The following GMDS variants were observed in gnomAD, a reference collection of about 807,000 sequenced individuals.
The protein encoded by GMDS is GDP-mannose 4,6 dehydratase.
A neutral mutation model predicts 49.9 loss-of-function variants in GMDS; 20 were observed. That is an observed-to-expected ratio of 0.40 (90% CI 0.28 to 0.58). The LOEUF (loss-of-function observed/expected upper bound fraction) is 0.58, where lower values mean the gene tolerates loss of function less well. Ranked by LOEUF, GMDS falls within the 20% of genes least tolerant of loss-of-function variation. The probability of loss-of-function intolerance (pLI) is 0.42; values close to 1 mark genes in which losing one functional copy is unlikely to be tolerated. For synonymous variants in GMDS, 177 were observed against 178.6 expected (o/e 0.99, Z 0.07); for missense variants, 362 against 481.4 (o/e 0.75, Z 2.32).
chr6:2,205,057 G>A (rs1779738637), intron 1 of GMDS, among the ~76,000 whole-genome samples: 2 of 152,046 alleles, frequency 1.3e-5, no homozygotes, highest in African/African-American at 4.8e-5. Flanking sequence ...GACATTTATT[G>A]AGCATTTGCT....
intron 4 of GMDS, among the ~76,000 whole-genome samples, chr6:1,981,870 T>C (rs961118630): frequency 1.3e-5 from 2 of 152,290 alleles, no homozygotes; most frequent in East Asian, 3.9e-4. Context: ...TGGTTTAACA[T>C]ACACAAATCA....
intron 7 of GMDS, among the ~76,000 whole-genome samples, chr6:1,831,349 C>T (rs1756632702): frequency 6.6e-6 from 1 of 152,200 alleles, no homozygotes; most frequent in African/African-American, 2.4e-5. Flanking sequence ...TTCTCAGTTT[C>T]TTTAGTAAAA....
At chr6:1,645,352 G>T (rs1763455093) in intron 9 of GMDS, among the ~76,000 whole-genome samples, 1 of 152,196 alleles carries the variant, frequency 6.6e-6, no homozygotes, top group Non-Finnish European at 1.5e-5. Flanking sequence ...GCCTAGCATA[G>T]CTTCCTGCAC....
rs949573641 is a variant in GMDS, at chr6:1,836,643, G to A, written c.771+93460C>T. Among the ~76,000 whole-genome samples the A allele has an allele frequency of 3.3e-5, 5 of 152,174 alleles. No homozygotes were observed. The highest frequency in any genetic ancestry group is 1.2e-4 in the African/African-American group (5 of 41,424). On this transcript the variant is annotated intron_variant, in intron 7 of 10. Transcript: ENST00000380815. The surrounding 1 kb of genome is among the most constrained non-coding windows in gnomAD (Gnocchi z 4.2). ...AAAATAGTCCATAAAAGGGAGATTG[G>A]GTAGAAGCGGCTGATGAACTGGTTA...
At chr6:1,798,627 TC>T (rs1370491655) in intron 7 of GMDS, among the ~76,000 whole-genome samples, 1 of 152,144 alleles carries the variant, frequency 6.6e-6, no homozygotes, top group African/African-American at 2.4e-5. Flanking sequence ...CCGCTGAATC[TC>T]CAAGAGAAGG....
chr6:1,961,342 A>C (rs1460067015), intron 4 of GMDS, among the ~76,000 whole-genome samples: 1 of 152,168 alleles, frequency 6.6e-6, no homozygotes, highest in Admixed American at 6.5e-5. Context: ...GGAAATTTAC[A>C]TTTTTAATGA....
intron 4 of GMDS, among the ~76,000 whole-genome samples, chr6:1,999,073 C>T (rs541445960): frequency 1.3e-5 from 2 of 152,112 alleles, no homozygotes; most frequent in African/African-American, 4.8e-5. Context: ...CCTGTAATCC[C>T]AGCACTTTGG....
chr6:2,240,668 A>G (rs1331344556), intron 1 of GMDS, among the ~76,000 whole-genome samples: 3 of 152,140 alleles, frequency 2.0e-5, no homozygotes, highest in Non-Finnish European at 4.4e-5. Flanking sequence ...TTGCTTCAAC[A>G]AATATACTTT....
intron 7 of GMDS, among the ~76,000 whole-genome samples, chr6:1,782,536 T>G (rs1220099999): frequency 6.6e-6 from 1 of 152,224 alleles, no homozygotes; most frequent in Non-Finnish European, 1.5e-5. Flanking sequence ...TGGGACCATC[T>G]TCAAACACAA....
chr6:1,728,162 T>C (rs866191582), intron 8 of GMDS, among the ~76,000 whole-genome samples: 2 of 152,214 alleles, frequency 1.3e-5, no homozygotes, highest in Non-Finnish European at 1.5e-5. Flanking sequence ...ATACATCTCC[T>C]GTGGATAAAG....
intron 9 of GMDS, among the ~76,000 whole-genome samples, chr6:1,654,222 T>C (rs1458148927): frequency 2.6e-5 from 4 of 152,208 alleles, no homozygotes; most frequent in African/African-American, 9.6e-5. Context: ...AAATTAAATA[T>C]AGAATTACCA....
chr6:2,070,753 A>G (rs1468618780), intron 4 of GMDS, among the ~76,000 whole-genome samples: 1 of 152,084 alleles, frequency 6.6e-6, no homozygotes, highest in East Asian at 1.9e-4. Flanking sequence ...GGCTCCTAAG[A>G]ACCCACGCTT....
intron 1 of GMDS, among the ~76,000 whole-genome samples, chr6:2,180,418 T>C (rs1185944515): frequency 6.6e-6 from 1 of 152,224 alleles, no homozygotes; most frequent in African/African-American, 2.4e-5. Context: ...TAAATTTTGA[T>C]CTTTTCATCT....
chr6:1,747,092 G>C (rs1346863276), intron 7 of GMDS, among the ~76,000 whole-genome samples: 1 of 152,120 alleles, frequency 6.6e-6, no homozygotes, highest in Admixed American at 6.6e-5. Flanking sequence ...GAAGTGGTTT[G>C]GGAGGCTCAG....
At chr6:1,847,522 C>T (rs535819234) in intron 7 of GMDS, among the ~76,000 whole-genome samples, 14 of 152,272 alleles carry the variant, frequency 9.2e-5, no homozygotes, top group South Asian at 8.3e-4. Context: ...TCTCTAATTC[C>T]ATTCCCTAAG....
chr6:2,186,028 T>A (rs1251958840), intron 1 of GMDS, among the ~76,000 whole-genome samples: 3 of 152,224 alleles, frequency 2.0e-5, no homozygotes, highest in Non-Finnish European at 4.4e-5. Context: ...TTAAATACAA[T>A]GTTCTTACCA....
chr6:1,818,898 T>C (rs935146812), intron 7 of GMDS, among the ~76,000 whole-genome samples: 7 of 152,164 alleles, frequency 4.6e-5, no homozygotes, highest in South Asian at 2.1e-4. Context: ...AAACTAGAGA[T>C]AATACCACTC....
At chr6:2,169,634 A>C (rs922307681) in intron 1 of GMDS, among the ~76,000 whole-genome samples, 7 of 151,856 alleles carry the variant, frequency 4.6e-5, no homozygotes, top group East Asian at 1.9e-4. Context: ...AAAAAAAAAA[A>C]AACAAAAAAA....
intron 7 of GMDS, among the ~76,000 whole-genome samples, chr6:1,818,417 G>A (rs928663546): frequency 6.6e-6 from 1 of 152,026 alleles, no homozygotes; most frequent in South Asian, 2.1e-4. Context: ...AGACCATCCT[G>A]GCCAACATGG....
Sources: gnomAD v4.1 joint callset for allele counts (sites outside exome capture counted in the v4.1 genomes callset) on GRCh38, gnomAD v4.1.1 for gene constraint, Gnocchi (gnomAD v3.1) non-coding constraint, MANE v1.5 for transcripts, NCBI Gene and HGNC (gene_info 2026-07-23, HGNC 2026-07-21) for gene names.